Variants in MYOM3 observed in about 807,000 individuals in gnomAD.
The protein encoded by MYOM3 is myomesin 3, also known as myomesin-3.
In MYOM3, 155 loss-of-function variants were observed where a neutral mutation model predicts 191.7. That is an observed-to-expected ratio of 0.81 (90% CI 0.71 to 0.92). MYOM3 has a LOEUF of 0.92. Ranked by LOEUF, MYOM3 falls within the 40% of genes least tolerant of loss-of-function variation. The probability of loss-of-function intolerance (pLI) is 0.00; values close to 1 mark genes in which losing one functional copy is unlikely to be tolerated. For missense variants in MYOM3, 1,889 were observed against 1,890.6 expected (o/e 1.00, Z 0.02); for synonymous variants, 757 against 762.9 (o/e 0.99, Z 0.13).
rs960355898 is a variant in MYOM3 at position 24,108,191 on chromosome 1, C to T, written c.162-118G>A. ...GCACCAGCAGGCAGGGCTGTGCCTCCCTCCTCATACTGGGGTCTCAGAAAG... is the reference window on the plus strand; with the variant it reads ...GCACCAGCAGGCAGGGCTGTGCCTCTCTCCTCATACTGGGGTCTCAGAAAG... On this transcript the variant is annotated intron_variant, in intron 2 of 36. Transcript: ENST00000374434. 4 of 936,756 alleles carry T rather than the reference C, an allele frequency of 4.3e-6. No homozygotes were observed. The Admixed American group carries it at 7.8e-5, about 18-fold the overall frequency. The allele number at this position is 936,756 out of a possible 1,614,324, so 58.0% of individuals were successfully genotyped here. A position where few individuals can be genotyped will look rare whatever the true frequency, so the allele number is the denominator to read the frequency against.
At chr1:24,110,839 T>A (rs1644032293) in intron 1 of MYOM3, among the ~76,000 whole-genome samples, 2 of 152,204 alleles carry the variant, frequency 1.3e-5, no homozygotes, top group South Asian at 4.1e-4. Flanking sequence ...GGAGGAGAGC[T>A]GCTGGGTACC....
intron 12 of MYOM3, 116 bp downstream of exon 12, chr1:24,090,681 T>G: frequency 1.0e-6 from 1 of 995,462 alleles, no homozygotes. Flanking sequence ...AGGGCTGGGC[T>G]GTGCTTCCTC....
chr1:24,070,396 A>G (rs1243628111), intron 25 of MYOM3, among the ~76,000 whole-genome samples: 1 of 151,706 alleles, frequency 6.6e-6, no homozygotes, highest in Admixed American at 6.6e-5. Context: ...AGCCTGGGCA[A>G]CAAGGCAAAA....
intron 9 of MYOM3, 146 bp from the exon 10 acceptor site, chr1:24,093,254 G>C: frequency 1.6e-6 from 1 of 626,190 alleles, no homozygotes; most frequent in East Asian, 2.7e-5. Context: ...GGGGGTGGTG[G>C]CCTCCAGGGC....
chr1:24,068,446 T>C, intron 25 of MYOM3, 79 bp from the exon 26 acceptor site: 1 of 1,555,056 alleles, frequency 6.4e-7, no homozygotes, highest in Non-Finnish European at 8.8e-7. Flanking sequence ...TGTAGTGGGC[T>C]TGGGGGTGGT....
intron 5 of MYOM3, among the ~76,000 whole-genome samples, chr1:24,100,070 T>C (rs935480032): frequency 6.6e-6 from 1 of 152,134 alleles, no homozygotes; most frequent in African/African-American, 2.4e-5. Context: ...AGTTTCCCCA[T>C]GTTGGCTAGG....
At chr1:24,099,890 C>G (rs947224853) in intron 5 of MYOM3, 115 bp from the exon 6 acceptor site, 52 of 766,082 alleles carry the variant, frequency 6.8e-5, no homozygotes, top group Non-Finnish European at 1.0e-4. Flanking sequence ...TTTTTTGAGA[C>G]GGAGTTTTGC....
At chr1:24,070,879 G>T (rs1007120113) in intron 25 of MYOM3, among the ~76,000 whole-genome samples, 25 of 152,096 alleles carry the variant, frequency 1.6e-4, no homozygotes, top group Non-Finnish European at 3.2e-4. Context: ...TTTGTTTGTG[G>T]GAATGTCCCT....
rs16829083 is a variant in MYOM3 at position 24,071,146 on chromosome 1, A to G, written c.3121T>C (p.Phe1041Leu). 4,195 of 1,614,042 alleles carry G rather than the reference A, an allele frequency of 2.6e-3. 59 individuals carry two copies. In the African/African-American group the frequency reaches 0.034, roughly 13 times the overall value. The change falls in exon 25 of 37, where the codon TTC becomes CTC. Residue 1041 changes from phenylalanine (F) to leucine (L), a missense_variant. Phe to Leu is a conservative substitution (Grantham distance 22). Coordinates refer to ENST00000374434, the MANE Select transcript of MYOM3 (RefSeq NM_152372.4). The part of the protein sequence containing the change: ...LSPAAELHLI[F>L]NNKEIFSSPN... ...GAGCTGAAGATCTCCTTGTTGTTGA[A>G]GATTAGATGTAGCTCAGCGGCTGGA... is the stretch of plus-strand genomic sequence containing the variant.
chr1:24,087,466 G>A lies in MYOM3; in HGVS notation c.1615-639C>T, dbSNP rs1023894543. ...AAGCTTCCCCATCGCCTGACCCCTC[G>A]GCCTGTCTGGCCACCGTTCCCTCTG... On this transcript the variant is annotated intron_variant, in intron 14 of 36. Coordinates refer to ENST00000374434, the MANE Select transcript of MYOM3 (RefSeq NM_152372.4). The surrounding 1 kb of genome is among the most constrained non-coding windows in gnomAD (Gnocchi z 4.5). Among the ~76,000 whole-genome samples the A allele has an allele frequency of 6.6e-6, 1 of 151,932 alleles. No individual in the cohort carries two copies. The highest frequency in any genetic ancestry group is 6.6e-5 in the Admixed American group (1 of 15,258).
chr1:24,091,695 A>T (rs1643834523), intron 11 of MYOM3, among the ~76,000 whole-genome samples: 1 of 152,224 alleles, frequency 6.6e-6, no homozygotes, highest in Non-Finnish European at 1.5e-5. Context: ...GCATGCCCTT[A>T]GCACGGTCAT....
intron 10 of MYOM3, 22 bp downstream of exon 10, chr1:24,092,925 C>T: frequency 6.6e-7 from 1 of 1,507,428 alleles, no homozygotes; most frequent in Non-Finnish European, 8.9e-7. Flanking sequence ...TGCTGCTACC[C>T]TGCGCCCACC....
intron 5 of MYOM3, among the ~76,000 whole-genome samples, chr1:24,101,259 A>T (rs1643930863): frequency 6.6e-6 from 1 of 152,156 alleles, no homozygotes; most frequent in African/African-American, 2.4e-5. Context: ...TCCCTGGGGA[A>T]TCTGTGCAGC....
rs778412588 is a variant in MYOM3 at position 24,107,251 on chromosome 1, T to G, written c.243-19A>C. 45 of 1,583,436 alleles carry G rather than the reference T, an allele frequency of 2.8e-5. No homozygotes were observed. The highest frequency in any genetic ancestry group is 3.6e-5 in the Non-Finnish European group (42 of 1,163,290). On this transcript the variant is annotated intron_variant, in intron 3 of 36. Transcript: ENST00000374434. ...GGCTTCCCTGCCGTGACAGAGGCCA[T>G]CGGGGCTCAGGCAGGGATGGGGGAT...
intron 28 of MYOM3, 33 bp downstream of exon 28, chr1:24,066,988 C>T: frequency 1.3e-6 from 2 of 1,548,588 alleles, no homozygotes; most frequent in South Asian, 1.2e-5. Flanking sequence ...TCCCCCTGCA[C>T]TGGGCCTGGG....
intron 23 of MYOM3, among the ~76,000 whole-genome samples, chr1:24,072,579 G>C (rs1312906627): frequency 6.6e-6 from 1 of 152,074 alleles, no homozygotes; most frequent in African/African-American, 2.4e-5. Context: ...TTGTTGCCCA[G>C]GCTGGAGTGC....
intron 14 of MYOM3, among the ~76,000 whole-genome samples, chr1:24,089,004 GC>G (rs1253815672): frequency 6.6e-6 from 1 of 151,962 alleles, no homozygotes; most frequent in African/African-American, 2.4e-5. Context: ...CTGCCATACT[GC>G]CCCCCCTCCA....
At chr1:24,058,072 G>T (rs1643324853) in intron 36 of MYOM3, among the ~76,000 whole-genome samples, 1 of 152,172 alleles carries the variant, frequency 6.6e-6, no homozygotes, top group Non-Finnish European at 1.5e-5. Context: ...CTCCCAAAGT[G>T]CTGGGATTAC....
chr1:24,067,387 T>TTTCC (rs55795415), intron 27 of MYOM3, among the ~76,000 whole-genome samples: 2,363 of 63,098 alleles, frequency 0.037, 102 homozygotes, highest in Non-Finnish European at 0.048. Flanking sequence ...TTTCTTTCTT[T>TTTCC]TTCCTTCCTT....
Sources: gnomAD v4.1 joint callset for allele counts (sites outside exome capture counted in the v4.1 genomes callset) on GRCh38, gnomAD v4.1.1 for gene constraint, Gnocchi (gnomAD v3.1) non-coding constraint, MANE v1.5 for transcripts, NCBI Gene and HGNC (gene_info 2026-07-23, HGNC 2026-07-21) for gene names.